The following KCNJ6 variants were observed in gnomAD, a reference collection of about 807,000 sequenced individuals.
The protein encoded by KCNJ6 is G protein-activated inward rectifier potassium channel 2.
In KCNJ6, 9 loss-of-function variants were observed where a neutral mutation model predicts 34.2. That is an observed-to-expected ratio of 0.26 (90% CI 0.16 to 0.46). The LOEUF (loss-of-function observed/expected upper bound fraction) is 0.46. Among genes scored for constraint, KCNJ6 ranks in the 20% least tolerant of loss-of-function variants. The probability of loss-of-function intolerance (pLI) is 1.00; values close to 1 mark genes in which losing one functional copy is unlikely to be tolerated. For missense variants in KCNJ6, 236 were observed against 531.3 expected, an observed-to-expected ratio of 0.44 and a Z score of 5.46; for synonymous variants, 196 against 207.1, an observed-to-expected ratio of 0.95 and a Z score of 0.46.
intron 2 of KCNJ6, among the ~76,000 whole-genome samples, chr21:37,802,420 C>T (rs1484262844): frequency 7.2e-6 from 1 of 139,538 alleles, no homozygotes; most frequent in Non-Finnish European, 1.5e-5. Context: ...CCAGAGGGCC[C>T]AATATAATCA....
At chr21:37,770,834 C>A (rs961583358) in intron 2 of KCNJ6, among the ~76,000 whole-genome samples, 1 of 151,926 alleles carries the variant, frequency 6.6e-6, no homozygotes, top group African/African-American at 2.4e-5. Context: ...ATGTTTTCCC[C>A]CTTCTTTTAT....
intron 3 of KCNJ6, among the ~76,000 whole-genome samples, chr21:37,686,785 C>A (rs541816070): frequency 6.6e-6 from 1 of 151,914 alleles, no homozygotes; most frequent in African/African-American, 2.4e-5. Flanking sequence ...AAGTCTTAAT[C>A]GGGACACGGG....
intron 3 of KCNJ6, among the ~76,000 whole-genome samples, chr21:37,700,769 C>G (rs1251604549): frequency 6.6e-6 from 1 of 152,148 alleles, no homozygotes; most frequent in Non-Finnish European, 1.5e-5. Context: ...CACTGCACAA[C>G]TCACCACATC....
At chr21:37,656,993 T>C (rs1272902620) in intron 3 of KCNJ6, among the ~76,000 whole-genome samples, 1 of 152,048 alleles carries the variant, frequency 6.6e-6, no homozygotes, top group Non-Finnish European at 1.5e-5. Flanking sequence ...TGTTCTGCCA[T>C]TGGAGGTCCT....
intron 2 of KCNJ6, among the ~76,000 whole-genome samples, chr21:37,829,679 A>G (rs2835997): frequency 0.26 from 40,098 of 152,172 alleles, 7,120 homozygotes; most frequent in East Asian, 0.49. Flanking sequence ...TGCTTTGCCC[A>G]TGATTACTTT....
chr21:37,901,262 G>A (rs761575680), intron 1 of KCNJ6, among the ~76,000 whole-genome samples: 67 of 152,250 alleles, frequency 4.4e-4, no homozygotes, highest in Non-Finnish European at 8.4e-4. Flanking sequence ...CAGTGGAAGA[G>A]CTCAAATTGG....
intron 1 of KCNJ6, among the ~76,000 whole-genome samples, chr21:37,905,291 G>A (rs78932398): frequency 0.075 from 11,417 of 152,180 alleles, 451 homozygotes; most frequent in African/African-American, 0.081. Context: ...GCTCATGACT[G>A]CCAGATTAAA....
intron 1 of KCNJ6, among the ~76,000 whole-genome samples, chr21:37,887,369 G>A (rs894710325): frequency 6.6e-6 from 1 of 152,174 alleles, no homozygotes; most frequent in African/African-American, 2.4e-5. Flanking sequence ...CTTCCAAGTC[G>A]GGTTATAGTT....
intron 2 of KCNJ6, among the ~76,000 whole-genome samples, chr21:37,750,472 A>G (rs1010558387): frequency 6.6e-6 from 1 of 152,244 alleles, no homozygotes; most frequent in Non-Finnish European, 1.5e-5. Flanking sequence ...AAGACTTGGA[A>G]CCAACCTAAA....
Position 37,896,526 on chromosome 21 carries a change from C to T in KCNJ6, c.-28+19358G>A, listed in dbSNP as rs530784726. ...TTTGCTAGTGGTGCCTGGAACATTA[C>T]GGGCACGGAACATGCATTTTCTTGT... is the stretch of plus-strand genomic sequence containing the variant. On this transcript the variant is annotated intron_variant, in intron 1 of 3. Transcript: ENST00000609713. Among the ~76,000 whole-genome samples the T allele has an allele frequency of 6.6e-5, 10 of 152,280 alleles. No homozygotes were observed. In the South Asian group the frequency reaches 1.2e-3, roughly 19 times the overall value.
intron 3 of KCNJ6, among the ~76,000 whole-genome samples, chr21:37,694,244 G>A (rs1451262748): frequency 6.6e-6 from 1 of 152,118 alleles, no homozygotes; most frequent in South Asian, 2.1e-4. Flanking sequence ...ATGGATGGCC[G>A]GCTGTGTGTT....
chr21:37,693,935 TAA>T (rs200400232), intron 3 of KCNJ6, among the ~76,000 whole-genome samples: 2 of 144,570 alleles, frequency 1.4e-5, no homozygotes, highest in African/African-American at 5.1e-5. Context: ...ATTTTTTTTT[TAA>T]AAAAAACAAA....
chr21:37,846,560 C>T (rs1336021498), intron 1 of KCNJ6, among the ~76,000 whole-genome samples: 1 of 151,874 alleles, frequency 6.6e-6, no homozygotes, highest in African/African-American at 2.4e-5. Flanking sequence ...GTGGTGCTGC[C>T]TTGCTTTCTG....
At chr21:37,715,812 G>C (rs1162893950) in intron 2 of KCNJ6, among the ~76,000 whole-genome samples, 1 of 152,040 alleles carries the variant, frequency 6.6e-6, no homozygotes, top group Non-Finnish European at 1.5e-5. Context: ...AAGGAGAGAG[G>C]GCTCCCAGAA....
intron 1 of KCNJ6, among the ~76,000 whole-genome samples, chr21:37,850,165 A>G (rs2055530246): frequency 6.6e-6 from 1 of 152,132 alleles, no homozygotes; most frequent in African/African-American, 2.4e-5. Context: ...TCTTTGTATG[A>G]CGTTCTTTCT....
At chr21:37,718,933 CCCAGGTGAGGCCGTGGGTGCAGG>C (rs2054809379) in intron 2 of KCNJ6, among the ~76,000 whole-genome samples, 1 of 152,172 alleles carries the variant, frequency 6.6e-6, no homozygotes, top group Admixed American at 6.5e-5. Flanking sequence ...GTGGGTCCCT[CCCAGGTGAGGCCGTGGGTGCAGG>C]CCAGGTGCAT....
intron 3 of KCNJ6, among the ~76,000 whole-genome samples, chr21:37,698,698 AT>A (rs112756247): frequency 3.6e-3 from 508 of 140,450 alleles, no homozygotes; most frequent in African/African-American, 7.8e-3. Context: ...TGCCCAGGTA[AT>A]TTTTTTTTTT....
At chr21:37,745,801 C>T (rs2123479450) in intron 2 of KCNJ6, among the ~76,000 whole-genome samples, 1 of 152,342 alleles carries the variant, frequency 6.6e-6, no homozygotes, top group Middle Eastern at 3.4e-3. Context: ...TCAAGTCTCA[C>T]AGCCTTGAAG....
chr21:37,908,880 C>T (rs762080149), intron 1 of KCNJ6, among the ~76,000 whole-genome samples: 9 of 152,188 alleles, frequency 5.9e-5, no homozygotes, highest in East Asian at 5.8e-4. Flanking sequence ...ACATTTATAT[C>T]GGGCATGCAT....
Sources: allele counts gnomAD v4.1 joint callset (sites outside exome capture counted in the v4.1 genomes callset), GRCh38; gene constraint gnomAD v4.1.1; transcripts MANE v1.5; gene names NCBI Gene and HGNC (gene_info 2026-07-23, HGNC 2026-07-21).